TLDC2: variants seen among roughly 807,000 people sequenced by gnomAD.
TLDC2 encodes TLD domain-containing protein 2.
Under a neutral mutation model 27.9 loss-of-function variants are expected in TLDC2, and 23 were observed. The observed-to-expected ratio is 0.82, with a 90% CI of 0.59 to 1.17. The LOEUF is 1.17. Among genes scored for constraint, TLDC2 ranks in the 50% most tolerant of loss-of-function variants. The pLI is 0.00. For missense variants in TLDC2, 286 were observed against 273.4 expected (o/e 1.05, Z -0.32); for synonymous variants, 124 against 107.4 (o/e 1.16, Z -0.96).
At chr20:36,879,355 TC>T (rs1989750732) in intron 3 of TLDC2, among the ~76,000 whole-genome samples, 162 bp downstream of exon 3, 1 of 152,138 alleles carries the variant, frequency 6.6e-6, no homozygotes. Context: ...TCAGAGCCAT[TC>T]CCCCATTTAT....
intron 4 of TLDC2, among the ~76,000 whole-genome samples, chr20:36,881,285 C>T (rs568082286): frequency 5.9e-5 from 9 of 151,590 alleles, no homozygotes; most frequent in Non-Finnish European, 1.3e-4. Context: ...GAGGCTGATA[C>T]GGGAGGATCG....
In TLDC2 at chr20:36,893,243, C is replaced by T; in HGVS notation, c.*399C>T. On this transcript the variant is annotated 3_prime_UTR_variant, in exon 7 of 7. Transcript: ENST00000217320. ...CCCTGTGCTTGGGGCAAATTAGAAA[C>T]ACTACAGTCTTACGCAGGAAGAGCC... 1.4e-6 allele frequency: 1 copy of T among 718,828 alleles called. No individual in the cohort carries two copies. Among genetic ancestry groups the T allele is most frequent in the Non-Finnish European group, 2.3e-6 (1 of 427,352 alleles). The allele number at this position is 718,828 out of a possible 1,614,324, so 44.5% of individuals were successfully genotyped here.
At position 36,877,898 on chromosome 20, in the gene TLDC2, GC is replaced by G; in HGVS notation, c.36del (p.Ser13AlafsTer37). ...CACCAGGCCACTTTGTGTTTTTGCA[GC>G]CCAGCCAGGTGGAGGACACCCTGTC... The part of the protein sequence containing the change: ...RGLRWRYTRL[P>X]SQVEDTLSGE... On this transcript the variant is annotated frameshift_variant and splice_region_variant, in exon 2 of 7. Coordinates refer to ENST00000217320, the MANE Select transcript of TLDC2 (RefSeq NM_080628.3). LOFTEE classifies it high-confidence loss of function. 6.2e-7 allele frequency: 1 copy of G among 1,611,164 alleles called. No homozygotes were observed. Among genetic ancestry groups the G allele is most frequent in the Non-Finnish European group, 8.5e-7 (1 of 1,178,860 alleles).
chr20:36,890,262 T>C (rs1362379903), intron 6 of TLDC2: 1 of 152,238 alleles, frequency 6.6e-6, no homozygotes, highest in Non-Finnish European at 1.5e-5. Context: ...GCTGTTTCCC[T>C]TACCCAGTTG....
chr20:36,887,408 G>A (rs1989944796), intron 4 of TLDC2, 47 bp from the exon 5 acceptor site: 2 of 1,552,214 alleles, frequency 1.3e-6, no homozygotes, highest in Non-Finnish European at 1.8e-6. Flanking sequence ...TGCAAGGGCG[G>A]GACTCGCTCG....
At chr20:36,886,742 C>T (rs1161155353) in intron 4 of TLDC2, among the ~76,000 whole-genome samples, 1 of 152,078 alleles carries the variant, frequency 6.6e-6, no homozygotes, top group African/African-American at 2.4e-5. Flanking sequence ...TACAAGTGCA[C>T]ACCATCACAC....
Position 36,879,137 on chromosome 20 carries a change from C to A in TLDC2, c.286C>A (p.Arg96=), listed in dbSNP as rs147062113. 3.0e-5 allele frequency: 49 copies of A among 1,613,984 alleles called. No homozygotes were observed. In the African/African-American group the frequency reaches 6.4e-4, roughly 21 times the overall value. Residue 96 remains arginine, a synonymous_variant, in exon 3 of 7, where the codon CGG becomes AGG. Transcript: ENST00000217320. ...DGFSLQSLYR[R]MEGCSGPVLL... Reference sequence around the variant, plus strand: ...TTTCAGCCTGCAGAGCCTGTACCGGCGGATGGAGGGCTGCAGCGGGCCAGT... The same window carrying A: ...TTTCAGCCTGCAGAGCCTGTACCGGAGGATGGAGGGCTGCAGCGGGCCAGT...
intron 4 of TLDC2, among the ~76,000 whole-genome samples, chr20:36,886,344 C>T (rs978730450): frequency 6.6e-6 from 1 of 152,098 alleles, no homozygotes; most frequent in Admixed American, 6.6e-5. Context: ...GCCTGTAATC[C>T]CAGCTCTTTG....
chr20:36,887,326 C>A (rs1989942259), intron 4 of TLDC2, 129 bp from the exon 5 acceptor site: 1 of 786,666 alleles, frequency 1.3e-6, no homozygotes, highest in Non-Finnish European at 2.3e-6. Flanking sequence ...CCCGGAGTCC[C>A]ACCTGCGGCT....
At chr20:36,879,885 G>GAA (rs71186023) in intron 3 of TLDC2, among the ~76,000 whole-genome samples, 62,030 of 134,404 alleles carry the variant, frequency 0.46, 15,871 homozygotes, top group South Asian at 0.63. Flanking sequence ...AACCCTGTCT[G>GAA]AAAAAAAAAA....
Position 36,877,989 on chromosome 20 carries a change from G to A in TLDC2, c.124G>A (p.Glu42Lys). Reference sequence around the variant, plus strand: ...AGCTCCAGACCCAGCTGCTGCTCCTGAGGATCCCACGGTGCCCCAGCTGAC... The same window carrying A: ...AGCTCCAGACCCAGCTGCTGCTCCTAAGGATCCCACGGTGCCCCAGCTGAC... ...EAAPDPAAAP[E>K]DPTVPQLTEA... is the part of the protein sequence containing the mutation. The change falls in exon 2 of 7, where the codon GAG becomes AAG. Residue 42 changes from glutamate to lysine, a missense_variant. Coordinates refer to ENST00000217320, the MANE Select transcript of TLDC2 (RefSeq NM_080628.3). The A allele has an allele frequency of 6.2e-7, 1 of 1,614,160 alleles. No homozygotes were observed. The highest frequency in any genetic ancestry group is 8.5e-7 in the Non-Finnish European group (1 of 1,180,014).
chr20:36,880,612 C>A (rs1388670487), intron 3 of TLDC2, 43 bp from the exon 4 acceptor site: 1 of 1,558,926 alleles, frequency 6.4e-7, no homozygotes, highest in Non-Finnish European at 8.8e-7. Context: ...CCAGAGGACC[C>A]CTAGCTCCCT....
intron 1 of TLDC2, among the ~76,000 whole-genome samples, chr20:36,877,395 A>G (rs1402858015): frequency 6.7e-6 from 1 of 150,024 alleles, no homozygotes; most frequent in African/African-American, 2.5e-5. Flanking sequence ...AAAAAAAAAA[A>G]AGGAAAAAGA....
chr20:36,879,983 G>A (rs2148344773), intron 3 of TLDC2, among the ~76,000 whole-genome samples: 1 of 148,396 alleles, frequency 6.7e-6, no homozygotes, highest in East Asian at 2.0e-4. Context: ...AGAAGGAGGG[G>A]GATTAAGAGA....
At chr20:36,887,696 G>A (rs1227384884) in intron 5 of TLDC2, among the ~76,000 whole-genome samples, 168 bp downstream of exon 5, 1 of 152,156 alleles carries the variant, frequency 6.6e-6, no homozygotes, top group Non-Finnish European at 1.5e-5. Context: ...TCAACCTCAC[G>A]CTAAGCCAGT....
Position 36,889,350 on chromosome 20 carries a change from C to T in TLDC2, c.612C>T (p.Phe204=), listed in dbSNP as rs1323499891. 2 of 1,614,220 alleles carry T rather than the reference C, an allele frequency of 1.2e-6. No individual in the cohort carries two copies. The highest frequency in any genetic ancestry group is 1.7e-6 in the Non-Finnish European group (2 of 1,180,040). Reference sequence around the variant, plus strand: ...AGGTGCTGGCCCGGCAGGAGCAGTTCTGCATCCAGGAGCTGGAGGCTTGGC... The same window carrying T: ...AGGTGCTGGCCCGGCAGGAGCAGTTTTGCATCCAGGAGCTGGAGGCTTGGC... ...NNEVLARQEQ[F]CIQELEAWLL... is the part of the protein sequence containing the mutation. The change falls in exon 6 of 7, where the codon TTC becomes TTT. Residue 204 remains phenylalanine (F), a synonymous_variant. Coordinates refer to ENST00000217320, the MANE Select transcript of TLDC2 (RefSeq NM_080628.3).
chr20:36,890,414 C>CTTTCTTTCTTTCTTTCTTTCTTTCTT (rs1555830169), intron 6 of TLDC2: 1 of 149,990 alleles, frequency 6.7e-6, no homozygotes, highest in Non-Finnish European at 1.5e-5. Context: ...TTCTTTCTTT[C>CTTTCTTTCTTTCTTTCTTTCTTTCTT]TTTCTTTTCT....
intron 4 of TLDC2, among the ~76,000 whole-genome samples, chr20:36,885,066 A>G (rs1989893482): frequency 6.6e-6 from 1 of 151,890 alleles, no homozygotes; most frequent in Admixed American, 6.6e-5. Context: ...TAGTAGAGAC[A>G]GGGTTTCACC....
Position 36,888,028 on chromosome 20 carries a change from A to C in TLDC2, c.512+500A>C, listed in dbSNP as rs1425487688. On this transcript the variant is annotated intron_variant, in intron 5 of 6. Coordinates refer to ENST00000217320, the MANE Select transcript of TLDC2 (RefSeq NM_080628.3). ...GCATTGCTTGATTAGTACCAGGCAA[A>C]TTCTTTGCTCTCCCAACTGCCTGAA... 3.9e-5 allele frequency among the ~76,000 whole-genome samples: 6 copies of C among 152,216 alleles called. No individual in the cohort carries two copies. In the East Asian group the frequency reaches 1.2e-3, roughly 29 times the overall value.
Sources: allele counts gnomAD v4.1 joint callset (sites outside exome capture counted in the v4.1 genomes callset), GRCh38; gene constraint gnomAD v4.1.1; transcripts MANE v1.5; gene names NCBI Gene and HGNC (gene_info 2026-07-23, HGNC 2026-07-21).